Variants in ASCC1 observed in about 807,000 individuals in gnomAD.
The protein encoded by ASCC1 is activating signal cointegrator 1 complex subunit 1.
In ASCC1, 35 loss-of-function variants were observed where a neutral mutation model predicts 46.6. The observed-to-expected ratio is 0.75, with a 90% confidence interval of 0.57 to 0.99. The LOEUF is 0.99. ASCC1 is among the 50% of genes least tolerant of loss of function. The pLI is 0.00. For synonymous variants in ASCC1, 143 were observed against 146.6 expected (o/e 0.98, Z 0.18); for missense variants, 376 against 428.7 (o/e 0.88, Z 1.09).
At chr10:72,125,936 T>C (rs1458341597) in intron 9 of ASCC1, among the ~76,000 whole-genome samples, 2 of 152,194 alleles carry the variant, frequency 1.3e-5, no homozygotes, top group East Asian at 1.9e-4. Context: ...AGATGGTATA[T>C]AGTCAATAAG....
At chr10:72,212,886 C>A (rs1271663157) in intron 2 of ASCC1, among the ~76,000 whole-genome samples, 1 of 151,948 alleles carries the variant, frequency 6.6e-6, no homozygotes, top group Non-Finnish European at 1.5e-5. Flanking sequence ...AATTACAACT[C>A]TACAACGGAA....
At chr10:72,215,742 G>C (rs1859116876) in intron 1 of ASCC1, 1 of 152,240 alleles carries the variant, frequency 6.6e-6, no homozygotes, top group African/African-American at 2.4e-5. Context: ...CCTGCGCTAC[G>C]AGACTGCTCG....
intron 4 of ASCC1, among the ~76,000 whole-genome samples, chr10:72,201,743 G>C (rs1175292823): frequency 2.0e-5 from 3 of 152,118 alleles, no homozygotes; most frequent in Admixed American, 6.6e-5. Flanking sequence ...TTCAAGACCA[G>C]CCTGAGCAAT....
intron 9 of ASCC1, among the ~76,000 whole-genome samples, chr10:72,099,015 G>A (rs574499004): frequency 6.6e-6 from 1 of 152,266 alleles, no homozygotes; most frequent in East Asian, 1.9e-4. Context: ...AAGCCTTCTA[G>A]GTACAGAAAA....
At chr10:72,208,620 T>C (rs1207049576) in intron 3 of ASCC1, among the ~76,000 whole-genome samples, 1 of 151,734 alleles carries the variant, frequency 6.6e-6, no homozygotes, top group South Asian at 2.1e-4. Flanking sequence ...ATTAGCCAGG[T>C]GTAGTAGTGC....
chr10:72,182,182 G>C (rs1852725851), intron 5 of ASCC1, among the ~76,000 whole-genome samples: 1 of 152,132 alleles, frequency 6.6e-6, no homozygotes, highest in South Asian at 2.1e-4. Context: ...AAGTAGCTTA[G>C]GAAGAACCCT....
At chr10:72,176,807 C>T (rs1340791309) in intron 5 of ASCC1, among the ~76,000 whole-genome samples, 1 of 152,090 alleles carries the variant, frequency 6.6e-6, no homozygotes, top group African/African-American at 2.4e-5. Flanking sequence ...TCACTCTCCC[C>T]TGAATACCTC....
chr10:72,189,653 T>A (rs1854085354), intron 5 of ASCC1, among the ~76,000 whole-genome samples: 1 of 151,720 alleles, frequency 6.6e-6, no homozygotes, highest in Admixed American at 6.6e-5. Context: ...AACTACAAAA[T>A]TAGCTGGGCA....
At chr10:72,133,397 C>T in intron 7 of ASCC1, 1 of 553,340 alleles carries the variant, frequency 1.8e-6, no homozygotes, top group Non-Finnish European at 3.2e-6. Flanking sequence ...TAAATGATGG[C>T]AATATATTAT....
At chr10:72,210,686 T>A in intron 3 of ASCC1, 46 bp downstream of exon 3, 1 of 1,553,168 alleles carries the variant, frequency 6.4e-7, no homozygotes, top group Non-Finnish European at 8.9e-7. Flanking sequence ...TCCCGCTGAG[T>A]TTCCTGGAAG....
intron 5 of ASCC1, among the ~76,000 whole-genome samples, chr10:72,174,284 C>T (rs901693070): frequency 1.3e-5 from 2 of 152,194 alleles, no homozygotes; most frequent in Admixed American, 6.5e-5. Context: ...TTTAATCCAG[C>T]ACCCTGGGCT....
chr10:72,166,373 C>T (rs546171679), intron 5 of ASCC1, among the ~76,000 whole-genome samples: 5 of 152,088 alleles, frequency 3.3e-5, no homozygotes, highest in East Asian at 3.9e-4. Context: ...GAAGCCAAAG[C>T]GGAAGGATCG....
chr10:72,210,946 G>C lies in ASCC1; in HGVS notation c.113-115C>G, dbSNP rs917939273. 1.9e-5 allele frequency: 16 copies of C among 853,466 alleles called. No homozygotes were observed. In the African/African-American group the frequency reaches 2.3e-4, roughly 12 times the overall value. The allele number at this position is 853,466 out of a possible 1,614,324, so 52.9% of individuals were successfully genotyped here. On this transcript the variant is annotated intron_variant, in intron 2 of 9. Coordinates refer to ENST00000672957, the MANE Select transcript of ASCC1 (RefSeq NM_001198800.3). ...AAAAAAAGCAATACACAGGCATAAAGAACAGCCGGACACTGTACATTCCAT... is the reference window on the plus strand; with the variant it reads ...AAAAAAAGCAATACACAGGCATAAACAACAGCCGGACACTGTACATTCCAT...
intron 9 of ASCC1, among the ~76,000 whole-genome samples, chr10:72,124,873 A>C (rs527599578): frequency 3.9e-4 from 60 of 152,048 alleles, no homozygotes; most frequent in Non-Finnish European, 7.1e-4. Context: ...AACCACCATA[A>C]CCAAATATGT....
At chr10:72,164,221 C>G (rs1850063496) in intron 5 of ASCC1, among the ~76,000 whole-genome samples, 2 of 152,138 alleles carry the variant, frequency 1.3e-5, no homozygotes, top group African/African-American at 4.8e-5. Flanking sequence ...CTCAGCCTCC[C>G]AAAGTGCTGG....
intron 9 of ASCC1, among the ~76,000 whole-genome samples, chr10:72,115,461 T>C (rs1043415586): frequency 6.6e-6 from 1 of 152,136 alleles, no homozygotes; most frequent in Non-Finnish European, 1.5e-5. Context: ...AGGGAGACTG[T>C]AGTAAAAGAA....
intron 9 of ASCC1, among the ~76,000 whole-genome samples, chr10:72,099,207 C>T (rs779271920): frequency 6.6e-6 from 1 of 152,246 alleles, no homozygotes; most frequent in East Asian, 1.9e-4. Context: ...CGACCCATGA[C>T]TTCACTTCAC....
intron 9 of ASCC1, among the ~76,000 whole-genome samples, chr10:72,112,878 C>CAA (rs60754683): frequency 5.2e-4 from 43 of 82,758 alleles, no homozygotes; most frequent in East Asian, 2.5e-3. Flanking sequence ...ACTCTGCCTC[C>CAA]AAAAAAAAAA....
At chr10:72,213,573 C>G (rs184966518) in intron 1 of ASCC1, among the ~76,000 whole-genome samples, 3 of 150,290 alleles carry the variant, frequency 2.0e-5, no homozygotes, top group South Asian at 4.2e-4. Context: ...CACCCCCCCC[C>G]CAAAAATGAT....
Sources: gnomAD v4.1 joint callset for allele counts (sites outside exome capture counted in the v4.1 genomes callset) on GRCh38, gnomAD v4.1.1 for gene constraint, MANE v1.5 for transcripts, NCBI Gene and HGNC (gene_info 2026-07-23, HGNC 2026-07-21) for gene names.